NCK1: variants seen among roughly 807,000 people sequenced by gnomAD.
NCK1 encodes the protein SH2/SH3 adapter protein NCK1.
A neutral mutation model predicts 36.6 loss-of-function variants in NCK1; 19 were observed. The observed-to-expected ratio is 0.52, with a 90% confidence interval of 0.36 to 0.76. The LOEUF (loss-of-function observed/expected upper bound fraction) is 0.76, where lower values mean the gene tolerates loss of function less well. Among genes scored for constraint, NCK1 ranks in the 30% least tolerant of loss-of-function variants. NCK1 has a pLI of 0.00. For missense variants in NCK1, 358 were observed against 445.6 expected (o/e 0.80, Z 1.77); for synonymous variants, 165 against 156.0 (o/e 1.06, Z -0.43).
chr3:136,933,976 G>A (rs1940458313), intron 2 of NCK1, among the ~76,000 whole-genome samples: 1 of 152,072 alleles, frequency 6.6e-6, no homozygotes, highest in African/African-American at 2.4e-5. Context: ...CCAAAGTGCT[G>A]GGATTACATG....
chr3:136,935,566 A>G (rs1399902374), intron 2 of NCK1, among the ~76,000 whole-genome samples: 1 of 152,164 alleles, frequency 6.6e-6, no homozygotes, highest in African/African-American at 2.4e-5. Context: ...AACTGAATTA[A>G]TAAGGAAACT....
At chr3:136,928,290 G>T in intron 2 of NCK1, 63 bp downstream of exon 2, 4 of 1,438,696 alleles carry the variant, frequency 2.8e-6, no homozygotes, top group Non-Finnish European at 3.8e-6. Flanking sequence ...TTAGTTCTTT[G>T]TACATAATTC....
intron 1 of NCK1, among the ~76,000 whole-genome samples, chr3:136,896,446 T>C (rs1939392933): frequency 6.6e-6 from 1 of 152,216 alleles, no homozygotes; most frequent in African/African-American, 2.4e-5. Context: ...GGTCCATCCA[T>C]GTTGCTGCAA....
intron 1 of NCK1, among the ~76,000 whole-genome samples, chr3:136,917,688 G>C (rs1324084897): frequency 1.3e-5 from 2 of 152,204 alleles, no homozygotes; most frequent in African/African-American, 4.8e-5. Context: ...ACCTAGGTCA[G>C]TTCTCTCTCC....
At chr3:136,912,940 G>C (rs1420910531) in intron 1 of NCK1, among the ~76,000 whole-genome samples, 1 of 152,104 alleles carries the variant, frequency 6.6e-6, no homozygotes, top group African/African-American at 2.4e-5. Context: ...TTACAGGTGT[G>C]AGCCACTGCA....
chr3:136,921,146 C>T (rs968507520), intron 1 of NCK1, among the ~76,000 whole-genome samples: 3 of 152,150 alleles, frequency 2.0e-5, no homozygotes. Context: ...TGTTGTACAA[C>T]CATCTATTTC....
At chr3:136,869,570 T>C (rs1938547925) in intron 1 of NCK1, among the ~76,000 whole-genome samples, 1 of 152,040 alleles carries the variant, frequency 6.6e-6, no homozygotes, top group Admixed American at 6.6e-5. Flanking sequence ...GAAAGAAAAA[T>C]CATTTGTTCC....
intron 1 of NCK1, among the ~76,000 whole-genome samples, chr3:136,885,911 A>C (rs1939062857): frequency 6.6e-6 from 1 of 152,162 alleles, no homozygotes; most frequent in Admixed American, 6.5e-5. Flanking sequence ...TTCCATAGAC[A>C]TAATATTTAT....
chr3:136,898,735 G>A (rs1330999685), intron 1 of NCK1, among the ~76,000 whole-genome samples: 3 of 152,192 alleles, frequency 2.0e-5, no homozygotes, highest in African/African-American at 7.2e-5. Context: ...TTAACGTTAA[G>A]GTGCTATAAA....
At position 136,948,570 on chromosome 3, in the gene NCK1, G is replaced by T; in HGVS notation, c.*117G>T. 1 of 825,978 alleles carries T rather than the reference G, an allele frequency of 1.2e-6. No individual in the cohort carries two copies. The allele number at this position is 825,978 out of a possible 1,614,324, so 51.2% of individuals were successfully genotyped here. On this transcript the variant is annotated 3_prime_UTR_variant, in exon 4 of 4. Coordinates refer to ENST00000481752, the MANE Select transcript of NCK1 (RefSeq NM_001291999.2). ...AATTGTTGTTTCTAAATCTATATGA[G>T]AATTGACAATAAGTATTTTTATTAT... is the stretch of plus-strand genomic sequence containing the variant.
chr3:136,884,936 G>A (rs1939037494), intron 1 of NCK1, among the ~76,000 whole-genome samples: 1 of 152,044 alleles, frequency 6.6e-6, no homozygotes, highest in South Asian at 2.1e-4. Flanking sequence ...GGTCAGGCTG[G>A]TCTTGAACTC....
At position 136,874,057 on chromosome 3, in the gene NCK1, GT is replaced by G. The variant is rs530785639; in HGVS notation, c.-19+11705del. Among the ~76,000 whole-genome samples the G allele has an allele frequency of 9.9e-4, 151 of 152,314 alleles. 3 individuals are homozygous for G. In the East Asian group the frequency reaches 0.028, roughly 28 times the overall value. On this transcript the variant is annotated intron_variant, in intron 1 of 3. Transcript: ENST00000481752. ...AGAGTGCAGCAGTAGTTCCTTTTCA[GT>G]GATAGTAGTATTCCATTGGATGAAT...
chr3:136,866,182 T>C (rs962607599), intron 1 of NCK1, among the ~76,000 whole-genome samples: 9 of 152,212 alleles, frequency 5.9e-5, no homozygotes, highest in African/African-American at 2.2e-4. Context: ...ACTATTTCTT[T>C]CTTTTTTTTT....
At chr3:136,900,495 G>GA (rs1939514092) in intron 1 of NCK1, among the ~76,000 whole-genome samples, 1 of 152,134 alleles carries the variant, frequency 6.6e-6, no homozygotes, top group African/African-American at 2.4e-5. Context: ...CCATTGCATT[G>GA]AAAATGTAGA....
intron 1 of NCK1, among the ~76,000 whole-genome samples, chr3:136,918,663 A>C (rs1940026375): frequency 6.6e-6 from 1 of 152,216 alleles, no homozygotes; most frequent in Non-Finnish European, 1.5e-5. Flanking sequence ...TTCTTAAAAC[A>C]TGATGAGATT....
intron 1 of NCK1, among the ~76,000 whole-genome samples, chr3:136,884,851 G>A (rs1431659008): frequency 1.3e-5 from 2 of 151,920 alleles, no homozygotes; most frequent in East Asian, 3.9e-4. Flanking sequence ...CTCCCAAGTA[G>A]CTGGGATTAC....
At chr3:136,945,136 G>C (rs1232975482) in intron 2 of NCK1, among the ~76,000 whole-genome samples, 1 of 152,196 alleles carries the variant, frequency 6.6e-6, no homozygotes, top group African/African-American at 2.4e-5. Flanking sequence ...ATCATATTCT[G>C]ATTTAAGATA....
At position 136,950,292 on chromosome 3, in the gene NCK1, CT is replaced by C. The variant is rs1940940552; in HGVS notation, c.*1842del. Among the ~76,000 whole-genome samples, 1 of 152,132 alleles carries C rather than the reference CT, an allele frequency of 6.6e-6. No homozygotes were observed. The highest frequency in any genetic ancestry group is 2.4e-5 in the African/African-American group (1 of 41,534). On this transcript the variant is annotated 3_prime_UTR_variant, in exon 4 of 4. Transcript: ENST00000481752. ...GTTTGTAAAAAGAGAACAATTAATG[CT>C]TTGCATCACAGACATAAACTATTCA...
At chr3:136,871,411 T>A (rs1412636149) in intron 1 of NCK1, among the ~76,000 whole-genome samples, 1 of 149,262 alleles carries the variant, frequency 6.7e-6, no homozygotes, top group Non-Finnish European at 1.5e-5. Context: ...AAAACAAAAT[T>A]AAAAATTTGT....
Sources: gnomAD v4.1 joint callset for allele counts (sites outside exome capture counted in the v4.1 genomes callset) on GRCh38, gnomAD v4.1.1 for gene constraint, MANE v1.5 for transcripts, NCBI Gene and HGNC (gene_info 2026-07-23, HGNC 2026-07-21) for gene names.